Variants in MTF1 observed in about 807,000 individuals in gnomAD.
MTF1 encodes the protein metal regulatory transcription factor 1, also known as MRE-binding transcription factor.
In MTF1, 22 loss-of-function variants were observed where a neutral mutation model predicts 70.4. The observed-to-expected ratio is 0.31, with a 90% CI of 0.22 to 0.45. The LOEUF (loss-of-function observed/expected upper bound fraction) is 0.45, where lower values mean the gene tolerates loss of function less well. Among genes scored for constraint, MTF1 ranks in the 20% least tolerant of loss-of-function variants. The pLI, the probability that MTF1 is intolerant of heterozygous loss-of-function variation, is 1.00. For missense variants in MTF1, 649 were observed against 922.0 expected (o/e 0.70, Z 3.83); for synonymous variants, 333 against 352.8 (o/e 0.94, Z 0.63).
chr1:37,849,208 C>T (rs1641377454), intron 2 of MTF1, among the ~76,000 whole-genome samples: 1 of 152,114 alleles, frequency 6.6e-6, no homozygotes, highest in Admixed American at 6.5e-5. Flanking sequence ...GGTGGATCAC[C>T]TGAGGTCAGG....
intron 7 of MTF1, chr1:37,828,134 C>A: frequency 5.2e-6 from 2 of 386,198 alleles, no homozygotes; most frequent in Admixed American, 3.7e-5. Flanking sequence ...GAAGAAAAGC[C>A]ACACATAAAC....
chr1:37,832,229 T>C lies in MTF1; in HGVS notation c.1068+16A>G. Reference sequence around the variant, plus strand: ...TGCCCTTATTTTTCTAGCACTGGTATTACAGGTACACTTACCGTACTGGAA... The same window carrying C: ...TGCCCTTATTTTTCTAGCACTGGTACTACAGGTACACTTACCGTACTGGAA... On this transcript the variant is annotated intron_variant, in intron 7 of 10. Transcript: ENST00000373036. 1 of 1,572,876 alleles carries C rather than the reference T, an allele frequency of 6.4e-7. No homozygotes were observed. Among genetic ancestry groups the C allele is most frequent in the Non-Finnish European group, 8.7e-7 (1 of 1,143,784 alleles).
rs1412592051 is a variant in MTF1, at chr1:37,832,262, G to T, written c.1051C>A (p.Arg351=). The T allele has an allele frequency of 1.2e-6, 2 of 1,611,778 alleles. No individual in the cohort carries two copies. Among genetic ancestry groups the T allele is most frequent in the Non-Finnish European group, 1.7e-6 (2 of 1,178,298 alleles). Reference sequence around the variant, plus strand: ...ACACTTACCGTACTGGAATTTTCTCGCAATTCAGAATCTGTGGACAGAAGG... The same window carrying T: ...ACACTTACCGTACTGGAATTTTCTCTCAATTCAGAATCTGTGGACAGAAGG... The part of the protein sequence containing the change: ...LSLLSTDSEL[R]ENSSTTQGQD... The change falls in exon 7 of 11, where the codon CGA becomes AGA. Residue 351 remains arginine, a synonymous_variant. Transcript: ENST00000373036.
At chr1:37,858,042 GA>G (rs913254602) in intron 1 of MTF1, among the ~76,000 whole-genome samples, 8 of 147,208 alleles carry the variant, frequency 5.4e-5, no homozygotes, top group Admixed American at 1.3e-4. Context: ...GAAAAAGAAA[GA>G]AAAGCAATGC....
chr1:37,850,100 C>T (rs754178401), intron 2 of MTF1, among the ~76,000 whole-genome samples: 1 of 151,758 alleles, frequency 6.6e-6, no homozygotes, highest in African/African-American at 2.4e-5. Flanking sequence ...GTAGCCGGCA[C>T]AGTAGCACAT....
chr1:37,854,599 G>A (rs1355417704), intron 2 of MTF1, among the ~76,000 whole-genome samples: 3 of 152,190 alleles, frequency 2.0e-5, no homozygotes, highest in Non-Finnish European at 4.4e-5. Flanking sequence ...CAGTTAAGAA[G>A]CACTACTCTA....
At chr1:37,833,345 T>A (rs1272741284) in intron 6 of MTF1, among the ~76,000 whole-genome samples, 3 of 152,196 alleles carry the variant, frequency 2.0e-5, no homozygotes, top group Admixed American at 2.0e-4. Context: ...GAAAAGTCAA[T>A]GGTCCTTCCA....
At position 37,815,831 on chromosome 1, in the gene MTF1, T is replaced by C. The variant is rs1640811411; in HGVS notation, c.1832-265A>G. ...TGCACCCTGTATTTCCAGCTTCATT[T>C]CCAGTCATTCTCCATTGCACCCTCC... On this transcript the variant is annotated intron_variant, in intron 10 of 10. Transcript: ENST00000373036. The surrounding 1 kb of genome is among the most constrained non-coding windows in gnomAD (Gnocchi z 4.5). Among the ~76,000 whole-genome samples, 1 of 152,148 alleles carries C rather than the reference T, an allele frequency of 6.6e-6. No individual in the cohort carries two copies. The highest frequency in any genetic ancestry group is 1.5e-5 in the Non-Finnish European group (1 of 68,034).
At chr1:37,847,823 G>A (rs747978868) in intron 2 of MTF1, among the ~76,000 whole-genome samples, 4 of 152,008 alleles carry the variant, frequency 2.6e-5, no homozygotes, top group Admixed American at 6.6e-5. Context: ...TAGCAAGACC[G>A]CGACTCTCCA....
intron 1 of MTF1, among the ~76,000 whole-genome samples, chr1:37,859,191 C>T (rs1046880122): frequency 1.2e-4 from 19 of 152,200 alleles, no homozygotes; most frequent in Non-Finnish European, 2.8e-4. Context: ...CAAACAAGAC[C>T]AGGAGGTTTG....
chr1:37,833,486 T>C (rs985349888), intron 6 of MTF1, among the ~76,000 whole-genome samples: 1 of 152,160 alleles, frequency 6.6e-6, no homozygotes, highest in Non-Finnish European at 1.5e-5. Context: ...ATTCACACTT[T>C]AGGTGGTAGC....
At chr1:37,843,968 CAGA>C (rs1441237048) in intron 2 of MTF1, among the ~76,000 whole-genome samples, 1 of 151,944 alleles carries the variant, frequency 6.6e-6, no homozygotes, top group Non-Finnish European at 1.5e-5. Flanking sequence ...CACTGCCACA[CAGA>C]AGAAGCTCCA....
At chr1:37,839,409 G>A (rs1165626298) in intron 3 of MTF1, among the ~76,000 whole-genome samples, 2 of 152,144 alleles carry the variant, frequency 1.3e-5, no homozygotes, top group African/African-American at 4.8e-5. Context: ...CACACAGTGA[G>A]TATTTTTAAG....
chr1:37,851,976 C>A (rs1641424435), intron 2 of MTF1, among the ~76,000 whole-genome samples: 1 of 152,154 alleles, frequency 6.6e-6, no homozygotes, highest in Admixed American at 6.5e-5. Flanking sequence ...CAAGTCTTCT[C>A]ATGATATGTG....
chr1:37,848,686 A>T (rs1641368978), intron 2 of MTF1, among the ~76,000 whole-genome samples: 1 of 152,198 alleles, frequency 6.6e-6, no homozygotes, highest in Non-Finnish European at 1.5e-5. Context: ...CTGATTACTA[A>T]GGAGAGGTAT....
At chr1:37,837,215 C>T (rs534190467) in intron 4 of MTF1, among the ~76,000 whole-genome samples, 1 of 152,200 alleles carries the variant, frequency 6.6e-6, no homozygotes, top group South Asian at 2.1e-4. Flanking sequence ...CATGCGCCAC[C>T]ACTCCCAACT....
intron 8 of MTF1, among the ~76,000 whole-genome samples, chr1:37,823,253 T>C (rs970311784): frequency 2.0e-5 from 3 of 151,232 alleles, no homozygotes; most frequent in Non-Finnish European, 4.4e-5. Context: ...CTGGGCAACA[T>C]GACAAAACCC....
intron 2 of MTF1, among the ~76,000 whole-genome samples, chr1:37,847,682 G>C (rs112293022): frequency 6.6e-6 from 1 of 152,188 alleles, no homozygotes; most frequent in African/African-American, 2.4e-5. Flanking sequence ...CTACAGACAG[G>C]TTCTCATTTT....
chr1:37,822,885 AAGTAT>A (rs1366558888), intron 8 of MTF1, among the ~76,000 whole-genome samples, 169 bp from the exon 9 acceptor site: 1 of 152,204 alleles, frequency 6.6e-6, no homozygotes, highest in African/African-American at 2.4e-5. Context: ...CCTCTGGTCA[AAGTAT>A]CACGTTTCAC....
Sources: allele counts gnomAD v4.1 joint callset (sites outside exome capture counted in the v4.1 genomes callset), GRCh38; gene constraint gnomAD v4.1.1; non-coding constraint Gnocchi (gnomAD v3.1); transcripts MANE v1.5; gene names NCBI Gene and HGNC (gene_info 2026-07-23, HGNC 2026-07-21).